SLC30A8: variants seen among roughly 807,000 people sequenced by gnomAD.
The protein encoded by SLC30A8 is proton-coupled zinc antiporter SLC30A8.
Under a neutral mutation model 36.9 loss-of-function variants are expected in SLC30A8, and 27 were observed. The observed-to-expected ratio is 0.73, with a 90% CI of 0.54 to 1.01. The LOEUF (loss-of-function observed/expected upper bound fraction) is 1.01, where lower values mean the gene tolerates loss of function less well. SLC30A8 is among the 50% of genes least tolerant of loss of function. The pLI is 0.00. For missense variants in SLC30A8, 439 were observed against 452.0 expected, an observed-to-expected ratio of 0.97 and a Z score of 0.26; for synonymous variants, 164 against 172.4, an observed-to-expected ratio of 0.95 and a Z score of 0.38.
intron 1 of SLC30A8, among the ~76,000 whole-genome samples, chr8:116,976,522 ACT>A (rs1351016563): frequency 6.6e-6 from 1 of 152,102 alleles, no homozygotes; most frequent in African/African-American, 2.4e-5. Context: ...AATCCATCAA[ACT>A]CTCAAGCACG....
At chr8:116,994,231 T>C (rs1815740955) in intron 1 of SLC30A8, among the ~76,000 whole-genome samples, 1 of 151,970 alleles carries the variant, frequency 6.6e-6, no homozygotes, top group South Asian at 2.1e-4. Context: ...TGCAACCACT[T>C]AGGAAAATAG....
intron 2 of SLC30A8, among the ~76,000 whole-genome samples, chr8:117,078,368 T>C (rs1818556274): frequency 1.3e-5 from 2 of 152,242 alleles, no homozygotes; most frequent in Non-Finnish European, 2.9e-5. Context: ...TCATTTAGTT[T>C]TCACAAAACC....
chr8:116,995,282 C>A (rs921900811), intron 1 of SLC30A8, among the ~76,000 whole-genome samples: 2 of 151,946 alleles, frequency 1.3e-5, no homozygotes, highest in Admixed American at 6.6e-5. Context: ...CTTGAAATTC[C>A]AAGAAATCAT....
intron 2 of SLC30A8, among the ~76,000 whole-genome samples, chr8:117,102,069 A>T (rs1394875): frequency 6.6e-6 from 1 of 151,950 alleles, no homozygotes; most frequent in African/African-American, 2.4e-5. Flanking sequence ...ATTTCATGCT[A>T]GATTCCAACT....
chr8:117,010,794 A>T (rs1453883335), intron 1 of SLC30A8, among the ~76,000 whole-genome samples: 1 of 152,210 alleles, frequency 6.6e-6, no homozygotes, highest in African/African-American at 2.4e-5. Flanking sequence ...GCAAACAGGC[A>T]CATCTTATAT....
intron 2 of SLC30A8, among the ~76,000 whole-genome samples, chr8:117,120,871 A>G (rs906311585): frequency 5.3e-5 from 8 of 151,894 alleles, no homozygotes; most frequent in African/African-American, 1.4e-4. Flanking sequence ...GCCAATAAGT[A>G]TATGAAAAGA....
chr8:116,950,493 T>C (rs1813958410), upstream of SLC30A8: 1 of 152,266 alleles, frequency 6.6e-6, no homozygotes, highest in Non-Finnish European at 1.5e-5. Flanking sequence ...GAAGCCATTT[T>C]GTTTTTTGGC....
chr8:117,105,115 C>T (rs1332259933), intron 2 of SLC30A8, among the ~76,000 whole-genome samples: 1 of 152,082 alleles, frequency 6.6e-6, no homozygotes, highest in Non-Finnish European at 1.5e-5. Context: ...GTATCTTGTG[C>T]CAACCTCCTG....
chr8:117,067,622 T>G (rs1210638694), intron 2 of SLC30A8, among the ~76,000 whole-genome samples: 1 of 152,220 alleles, frequency 6.6e-6, no homozygotes, highest in African/African-American at 2.4e-5. Context: ...TTATTTAACA[T>G]CTTGCAAATG....
intron 1 of SLC30A8, among the ~76,000 whole-genome samples, chr8:117,142,897 C>A (rs894007766): frequency 6.6e-6 from 1 of 152,090 alleles, no homozygotes; most frequent in Non-Finnish European, 1.5e-5. Flanking sequence ...GTATCATTAA[C>A]ACTTCTGATG....
intron 1 of SLC30A8, among the ~76,000 whole-genome samples, chr8:116,998,528 G>T (rs1257712606): frequency 6.6e-6 from 1 of 152,244 alleles, no homozygotes; most frequent in Non-Finnish European, 1.5e-5. Context: ...ATGCCCTGCA[G>T]TGGGTTGAAG....
In SLC30A8 at chr8:117,174,486, G is replaced by T. The variant is rs554213934; in HGVS notation, c.*1805G>T. The T allele has an allele frequency of 6.6e-5, 10 of 152,652 alleles. No homozygotes were observed. Among genetic ancestry groups the T allele is most frequent in the Admixed American group, 5.2e-4 (8 of 15,274 alleles). The allele number at this position is 152,652 out of a possible 1,614,324, so 9.5% of individuals were successfully genotyped here. A position where few individuals can be genotyped will look rare whatever the true frequency, so the allele number is the denominator to read the frequency against. ...TCAGTGAGCTTGTTTAGGCAACCAG[G>T]ATTAGAGCTGCTCAGGTTCCCAACG... On this transcript the variant is annotated 3_prime_UTR_variant, in exon 8 of 8. Coordinates refer to ENST00000456015, the MANE Select transcript of SLC30A8 (RefSeq NM_173851.3).
At chr8:117,065,790 T>C (rs1239942012) in intron 2 of SLC30A8, among the ~76,000 whole-genome samples, 1 of 152,128 alleles carries the variant, frequency 6.6e-6, no homozygotes, top group Admixed American at 6.5e-5. Context: ...TCTGTATAGT[T>C]AATACAGGCC....
intron 1 of SLC30A8, among the ~76,000 whole-genome samples, chr8:116,974,429 T>A (rs1476846127): frequency 6.6e-6 from 1 of 152,072 alleles, no homozygotes; most frequent in Non-Finnish European, 1.5e-5. Flanking sequence ...AACAGACACA[T>A]GAAAAAATGC....
chr8:117,152,540 T>C (rs1822241907), intron 2 of SLC30A8, among the ~76,000 whole-genome samples: 1 of 152,178 alleles, frequency 6.6e-6, no homozygotes, highest in African/African-American at 2.4e-5. Context: ...GTGGGCCAGA[T>C]CGCAACATCT....
At chr8:117,086,976 CT>C (rs764565213) in intron 2 of SLC30A8, among the ~76,000 whole-genome samples, 4 of 152,188 alleles carry the variant, frequency 2.6e-5, no homozygotes, top group African/African-American at 7.2e-5. Context: ...AATATTTTAT[CT>C]TTCTTTGCTG....
chr8:116,975,587 C>T (rs1335921847), intron 1 of SLC30A8, among the ~76,000 whole-genome samples: 2 of 152,146 alleles, frequency 1.3e-5, no homozygotes, highest in Admixed American at 1.3e-4. Flanking sequence ...GAGGACAGAC[C>T]ACTTTAGAGA....
chr8:116,990,324 A>AT (rs1384113061), intron 1 of SLC30A8, among the ~76,000 whole-genome samples: 1 of 152,100 alleles, frequency 6.6e-6, no homozygotes, highest in Admixed American at 6.6e-5. Context: ...AAGGAAAAAA[A>AT]AAATAGCTCT....
rs147490760 is a variant in SLC30A8 at position 117,004,508 on chromosome 8, G to A, written c.-265-34711G>A. On this transcript the variant is annotated intron_variant, in intron 1 of 10. Coordinates refer to the SLC30A8 transcript ENST00000427715. Reference sequence around the variant, plus strand: ...CAACTGTAAAAGAGCTTTTGATGGCGTCAAGAGCGTGTCCCTGTCTATATG... The same window carrying A: ...CAACTGTAAAAGAGCTTTTGATGGCATCAAGAGCGTGTCCCTGTCTATATG... 2.6e-5 allele frequency among the ~76,000 whole-genome samples: 4 copies of A among 152,036 alleles called. No individual in the cohort carries two copies. In the East Asian group the frequency reaches 7.7e-4, roughly 29 times the overall value.
Sources: gnomAD v4.1 joint callset for allele counts (sites outside exome capture counted in the v4.1 genomes callset) on GRCh38, gnomAD v4.1.1 for gene constraint, MANE v1.5 for transcripts, NCBI Gene and HGNC (gene_info 2026-07-23, HGNC 2026-07-21) for gene names.